VAV2: variants seen among roughly 807,000 people sequenced by gnomAD.
The protein encoded by VAV2 is guanine nucleotide exchange factor VAV2.
Under a neutral mutation model 132.5 loss-of-function variants are expected in VAV2, and 67 were observed. The ratio of observed to expected loss-of-function variants is 0.51; its 90% CI spans 0.42 to 0.62. VAV2 has a LOEUF of 0.62. Among genes scored for constraint, VAV2 ranks in the 20% least tolerant of loss-of-function variants. The pLI, the probability that VAV2 is intolerant of heterozygous loss-of-function variation, is 0.00. For synonymous variants in VAV2, 492 were observed against 443.5 expected (o/e 1.11, Z -1.37); for missense variants, 938 against 1,153.6 (o/e 0.81, Z 2.71).
intron 12 of VAV2, among the ~76,000 whole-genome samples, chr9:133,795,049 C>T (rs551034105): frequency 6.6e-6 from 1 of 152,222 alleles, no homozygotes; most frequent in Non-Finnish European, 1.5e-5. Context: ...AGGGATCAAA[C>T]CTGCCTGGAA....
intron 2 of VAV2, among the ~76,000 whole-genome samples, chr9:133,891,588 G>T (rs2131975138): frequency 5.3e-5 from 1 of 18,732 alleles, no homozygotes. Context: ...GGGGAAGGAG[G>T]GAAGGGAGGG....
At chr9:133,853,441 C>G (rs1040615046) in intron 3 of VAV2, among the ~76,000 whole-genome samples, 7 of 152,110 alleles carry the variant, frequency 4.6e-5, no homozygotes, top group Non-Finnish European at 7.4e-5. Flanking sequence ...AGGCCCTGCC[C>G]CAGCGGCCTC....
At chr9:133,988,815 C>T (rs945547772) in intron 1 of VAV2, among the ~76,000 whole-genome samples, 1 of 152,270 alleles carries the variant, frequency 6.6e-6, no homozygotes, top group East Asian at 1.9e-4. Flanking sequence ...CGCCTGTAAT[C>T]CCACCACTTT....
chr9:133,814,215 A>T (rs1355527774), intron 4 of VAV2, among the ~76,000 whole-genome samples: 1 of 152,234 alleles, frequency 6.6e-6, no homozygotes, highest in African/African-American at 2.4e-5. Flanking sequence ...ATCCCCAGCC[A>T]GGTCCGGCGA....
intron 3 of VAV2, among the ~76,000 whole-genome samples, chr9:133,843,625 C>T (rs1588256791): frequency 6.6e-6 from 1 of 152,186 alleles, no homozygotes; most frequent in East Asian, 1.9e-4. Context: ...AATATTTGGA[C>T]AAGCCACCTG....
chr9:133,906,020 C>T (rs1839637983), intron 2 of VAV2, among the ~76,000 whole-genome samples: 1 of 152,154 alleles, frequency 6.6e-6, no homozygotes, highest in South Asian at 2.1e-4. Flanking sequence ...GCCTGGGCAA[C>T]AGAGTGAGAC....
chr9:133,900,020 C>CAAAAAAAAAAAAA (rs754344670), intron 2 of VAV2, among the ~76,000 whole-genome samples: 1 of 120,226 alleles, frequency 8.3e-6, no homozygotes, highest in Non-Finnish European at 1.8e-5. Context: ...GACTCCATCT[C>CAAAAAAAAAAAAA]AAAAAAAATA....
At chr9:133,812,012 G>A in intron 5 of VAV2, 102 bp downstream of exon 5, 1 of 1,227,758 alleles carries the variant, frequency 8.1e-7, no homozygotes. Context: ...CTCCCCTTCG[G>A]TGGCTCAGAC....
At chr9:133,817,715 A>C (rs1835616048) in intron 4 of VAV2, among the ~76,000 whole-genome samples, 2 of 152,258 alleles carry the variant, frequency 1.3e-5, no homozygotes, top group East Asian at 1.9e-4. Context: ...AAGCTGATCC[A>C]GCGAGTAGAG....
intron 12 of VAV2, among the ~76,000 whole-genome samples, chr9:133,792,686 C>G (rs1444321397): frequency 7.7e-6 from 1 of 129,968 alleles, no homozygotes; most frequent in East Asian, 2.8e-4. Flanking sequence ...GGACCCCCCC[C>G]CCCACCCCCC....
intron 4 of VAV2, among the ~76,000 whole-genome samples, chr9:133,822,631 C>T (rs1374464259): frequency 6.6e-6 from 1 of 152,156 alleles, no homozygotes; most frequent in Admixed American, 6.5e-5. Context: ...GCATGAGAGT[C>T]ACCCAGCTCG....
intron 3 of VAV2, among the ~76,000 whole-genome samples, chr9:133,855,211 G>A (rs1002344121): frequency 6.6e-5 from 10 of 152,368 alleles, no homozygotes; most frequent in East Asian, 1.9e-4. Context: ...AGGTGTTGGC[G>A]TGCGGACCCT....
chr9:133,811,785 C>G (rs1430200736), intron 5 of VAV2, among the ~76,000 whole-genome samples: 1 of 152,232 alleles, frequency 6.6e-6, no homozygotes, highest in Non-Finnish European at 1.5e-5. Context: ...GAGGGGCCTG[C>G]AAGCCCTTGG....
intron 2 of VAV2, among the ~76,000 whole-genome samples, chr9:133,877,723 G>A (rs1838317267): frequency 6.6e-6 from 1 of 152,316 alleles, no homozygotes; most frequent in Admixed American, 6.5e-5. Context: ...ACAGGTGACA[G>A]TAGCCATCAC....
intron 2 of VAV2, among the ~76,000 whole-genome samples, chr9:133,894,052 C>T (rs1839093819): frequency 6.6e-6 from 1 of 152,246 alleles, no homozygotes; most frequent in Admixed American, 6.5e-5. Context: ...CAGCCCATGG[C>T]TGAGAATCCA....
At chr9:133,783,267 C>T (rs1207218528) in intron 19 of VAV2, among the ~76,000 whole-genome samples, 2 of 152,112 alleles carry the variant, frequency 1.3e-5, no homozygotes, top group African/African-American at 2.4e-5. Context: ...GAGGGGTCCT[C>T]AAGTACCCAT....
chr9:133,858,873 C>T (rs111889574), intron 3 of VAV2, among the ~76,000 whole-genome samples: 60 of 152,326 alleles, frequency 3.9e-4, no homozygotes, highest in African/African-American at 1.3e-3. Flanking sequence ...CTGGGGTCTA[C>T]AGTCCCAGTC....
intron 2 of VAV2, among the ~76,000 whole-genome samples, chr9:133,922,790 T>G (rs1304766875): frequency 1.3e-5 from 2 of 152,140 alleles, no homozygotes; most frequent in Non-Finnish European, 2.9e-5. Flanking sequence ...GACATTGGAT[T>G]TGCAATCATT....
At chr9:133,873,045 G>A (rs1291298328) in intron 2 of VAV2, among the ~76,000 whole-genome samples, 4 of 148,506 alleles carry the variant, frequency 2.7e-5, no homozygotes, top group East Asian at 2.0e-4. Flanking sequence ...CCCAGGAGGC[G>A]GAGGTTGCAG....
Sources: allele counts gnomAD v4.1 joint callset (sites outside exome capture counted in the v4.1 genomes callset), GRCh38; gene constraint gnomAD v4.1.1; transcripts MANE v1.5; gene names NCBI Gene and HGNC (gene_info 2026-07-23, HGNC 2026-07-21).